BRD1: variants seen among roughly 807,000 people sequenced by gnomAD.
BRD1 encodes the protein bromodomain-containing protein 1.
A neutral mutation model predicts 107.7 loss-of-function variants in BRD1; 24 were observed. That is an observed-to-expected ratio of 0.22 (90% CI 0.16 to 0.31). The LOEUF (loss-of-function observed/expected upper bound fraction) is 0.31, where lower values mean the gene tolerates loss of function less well. Among genes scored for constraint, BRD1 ranks in the 10% least tolerant of loss-of-function variants. The pLI is 1.00. For synonymous variants in BRD1, 744 were observed against 686.1 expected, an observed-to-expected ratio of 1.08 and a Z score of -1.32; for missense variants, 1,279 against 1,638.6, an observed-to-expected ratio of 0.78 and a Z score of 3.79.
rs906260709 is a variant in BRD1 at position 49,804,273 on chromosome 22, C to T, written c.1455G>A (p.Leu485=). The T allele has an allele frequency of 1.2e-6, 2 of 1,610,240 alleles. No homozygotes were observed. ...RAHSYWLLKR[L]SRNGAPLLRR... is the part of the protein sequence containing the mutation. ...GCAGCAGGGGGGCCCCGTTCCTGGA[C>T]AGCCGCTTGAGCAGCCAGTAGCTGT... Residue 485 remains leucine (L), a synonymous_variant, in exon 3 of 13, where the codon CTG becomes CTA. Coordinates refer to ENST00000404760, the MANE Select transcript of BRD1 (RefSeq NM_001304808.3).
At chr22:49,819,349 T>C (rs2060018555) in intron 2 of BRD1, among the ~76,000 whole-genome samples, 1 of 152,034 alleles carries the variant, frequency 6.6e-6, no homozygotes, top group Non-Finnish European at 1.5e-5. Flanking sequence ...CTCAGCACTT[T>C]GGGAGGCCGA....
In BRD1 at chr22:49,787,763, GA is replaced by G; in HGVS notation, c.2483del (p.Phe828SerfsTer20). The G allele has an allele frequency of 6.4e-7, 1 of 1,550,910 alleles. No homozygotes were observed. Among genetic ancestry groups the G allele is most frequent in the South Asian group, 1.2e-5 (1 of 84,064 alleles). Reference protein sequence around the residue: ...VELNPEQSKLFKRVTFDNESH... With the variant: ...VELNPEQSKLXKRVTFDNESH... The stretch of plus-strand genomic sequence containing the variant: ...ATTCATTATCAAATGTGACTCTTTT[GA>G]AAAGTTTACTCTGCTCTGGGTTGAG... On this transcript the variant is annotated frameshift_variant, in exon 8 of 13. Transcript: ENST00000404760. LOFTEE classifies it high-confidence loss of function.
intron 1 of BRD1, among the ~76,000 whole-genome samples, chr22:49,826,428 C>T (rs1391536451): frequency 6.6e-6 from 1 of 152,256 alleles, no homozygotes; most frequent in Non-Finnish European, 1.5e-5. Context: ...CGGTTCTGTC[C>T]CTGGCCCTTC....
At chr22:49,786,841 C>T (rs919911877) in intron 8 of BRD1, among the ~76,000 whole-genome samples, 5 of 152,264 alleles carry the variant, frequency 3.3e-5, no homozygotes, top group South Asian at 4.1e-4. Flanking sequence ...CCAGGTGCAG[C>T]GGCTCACACA....
chr22:49,820,670 G>A (rs576188132), intron 2 of BRD1, among the ~76,000 whole-genome samples: 1 of 152,344 alleles, frequency 6.6e-6, no homozygotes, highest in African/African-American at 2.4e-5. Flanking sequence ...GCACAGCTGA[G>A]GCCTCCTACA....
At chr22:49,805,741 CTTTTTTTTTT>C (rs765174509) in intron 2 of BRD1, 1 of 134,400 alleles carries the variant, frequency 7.4e-6, no homozygotes, top group Non-Finnish European at 1.6e-5. Context: ...TTCAGTGAGT[CTTTTTTTTTT>C]TTTTTTTTGA....
chr22:49,798,730 G>A (rs747620701), intron 4 of BRD1, 44 bp from the exon 5 acceptor site: 22 of 1,524,836 alleles, frequency 1.4e-5, no homozygotes, highest in Non-Finnish European at 1.9e-5. Context: ...AGCCGCACAT[G>A]CGTCTCAGCC....
intron 6 of BRD1, among the ~76,000 whole-genome samples, chr22:49,796,353 CTCTTTTTT>C (rs1213353985): frequency 1.3e-5 from 2 of 148,520 alleles, no homozygotes; most frequent in Non-Finnish European, 3.0e-5. Context: ...CTCGGCCTCT[CTCTTTTTT>C]CTTTTTTTTT....
rs766018593 is a variant in BRD1 at position 49,787,439 on chromosome 22, G to A, written c.2808C>T (p.Cys936=). Residue 936 remains cysteine, a synonymous_variant, in exon 8 of 13, where the codon TGC becomes TGT. Coordinates refer to ENST00000404760, the MANE Select transcript of BRD1 (RefSeq NM_001304808.3). ...LQPRKRSRST[C]GDSEVEEESP... ...ACTCCTCCTCCACCTCGGAGTCTCCGCATGTGCTCCGCGACCTTTTCCTTG... is the reference window on the plus strand; with the variant it reads ...ACTCCTCCTCCACCTCGGAGTCTCCACATGTGCTCCGCGACCTTTTCCTTG... The A allele has an allele frequency of 1.5e-4, 236 of 1,614,110 alleles. 3 individuals carry two copies. The South Asian group carries it at 2.1e-3, about 14-fold the overall frequency.
chr22:49,790,600 G>A (rs2059415823), intron 7 of BRD1, among the ~76,000 whole-genome samples: 1 of 152,146 alleles, frequency 6.6e-6, no homozygotes, highest in African/African-American at 2.4e-5. Flanking sequence ...GCAATATTTT[G>A]CCCACCTGGC....
Position 49,776,153 on chromosome 22 carries a change from C to G in BRD1, c.3128G>C (p.Gly1043Ala), listed in dbSNP as rs375338194. 17 of 1,604,256 alleles carry G rather than the reference C, an allele frequency of 1.1e-5. No individual in the cohort carries two copies. Among genetic ancestry groups the G allele is most frequent in the East Asian group, 8.9e-5 (4 of 44,834 alleles). The change falls in exon 11 of 13, where the codon GGC becomes GCC. Residue 1043 changes from glycine to alanine, a missense_variant. By Grantham distance (60) the Gly-to-Ala change is moderately conservative. Around this residue, in one of 7 missense-constraint regions of BRD1, gnomAD observed 263 missense variants for 251.6 expected, o/e 1.05. Transcript: ENST00000404760. ...AGTGGAGATCCACATGCTGCTCTGG[C>G]CGACTTCTGCGGAGAGGGGCGTCAG... is the stretch of plus-strand genomic sequence containing the variant. ...AKAARIAAEV[G>A]QSSMWISTDA...
rs768332358 is a variant in BRD1, at chr22:49,804,300, G to T, written c.1428C>A (p.Ala476=). Residue 476 remains alanine (A), a synonymous_variant, in exon 3 of 13, where the codon GCC becomes GCA. Transcript: ENST00000404760. ...GCCGCTTGAGCAGCCAGTAGCTGTG[G>T]GCTCGCTCCACAAACTGCTTCTTCC... ...IQRKKQFVER[A]HSYWLLKRLS... 3.7e-6 allele frequency: 6 copies of T among 1,610,764 alleles called. No individual in the cohort carries two copies. Among genetic ancestry groups the T allele is most frequent in the Non-Finnish European group, 4.2e-6 (5 of 1,178,482 alleles).
chr22:49,795,006 C>CA (rs959246217), intron 6 of BRD1, among the ~76,000 whole-genome samples: 19 of 144,162 alleles, frequency 1.3e-4, no homozygotes, highest in South Asian at 6.6e-4. Context: ...AGAGAGAAGA[C>CA]AAAAAAAAAA....
chr22:49,821,167 G>A (rs913250028), intron 2 of BRD1, among the ~76,000 whole-genome samples: 1 of 152,194 alleles, frequency 6.6e-6, no homozygotes, highest in Non-Finnish European at 1.5e-5. Flanking sequence ...CCCAACATCA[G>A]GAGCCAAAGA....
intron 8 of BRD1, among the ~76,000 whole-genome samples, chr22:49,785,858 C>T (rs2059313003): frequency 1.3e-5 from 2 of 152,308 alleles, no homozygotes; most frequent in South Asian, 4.1e-4. Context: ...AAGTGAGCCT[C>T]CTTCTGCACA....
At chr22:49,777,848 C>T in intron 8 of BRD1, 35 bp from the exon 9 acceptor site, 1 of 1,569,480 alleles carries the variant, frequency 6.4e-7, no homozygotes, top group Non-Finnish European at 8.6e-7. Context: ...GAGCTCAGCA[C>T]AACCAGGGCA....
rs921051797 is a variant in BRD1, at chr22:49,774,186, A to G, written c.*47T>C. The G allele has an allele frequency of 2.6e-6, 4 of 1,565,882 alleles. No homozygotes were observed. The highest frequency in any genetic ancestry group is 2.7e-5 in the African/African-American group (2 of 73,288). ...AGTTTTGAACAATATACAAACATGTACAGCTTATCAACACTATGGACAAGA... is the reference window on the plus strand; with the variant it reads ...AGTTTTGAACAATATACAAACATGTGCAGCTTATCAACACTATGGACAAGA... On this transcript the variant is annotated 3_prime_UTR_variant, in exon 13 of 13. Coordinates refer to ENST00000404760, the MANE Select transcript of BRD1 (RefSeq NM_001304808.3).
rs907513027 is a variant in BRD1, at chr22:49,783,741, G to T, written c.2857+3649C>A. Among the ~76,000 whole-genome samples, 5 of 152,310 alleles carry T rather than the reference G, an allele frequency of 3.3e-5. No individual in the cohort carries two copies. In the East Asian group the frequency reaches 7.7e-4, roughly 24 times the overall value. ...CACTGCCGGGCTCTGACTTACAGAG[G>T]GGGTGGGCTGGGGTGGGGGAGAGCT... On this transcript the variant is annotated intron_variant, in intron 8 of 12. Coordinates refer to ENST00000404760, the MANE Select transcript of BRD1 (RefSeq NM_001304808.3). This position sits in a 1 kb window ranked among gnomAD's most constrained non-coding sequence, Gnocchi z 4.2.
chr22:49,822,056 C>G (rs2060077621), intron 2 of BRD1, among the ~76,000 whole-genome samples: 1 of 152,246 alleles, frequency 6.6e-6, no homozygotes, highest in African/African-American at 2.4e-5. Context: ...GCCAGAGCCC[C>G]TCGGGTTGAA....
Sources: allele counts gnomAD v4.1 joint callset (sites outside exome capture counted in the v4.1 genomes callset), GRCh38; gene constraint gnomAD v4.1.1; regional missense constraint gnomAD v4.1.1; non-coding constraint Gnocchi (gnomAD v3.1); transcripts MANE v1.5; gene names NCBI Gene and HGNC (gene_info 2026-07-23, HGNC 2026-07-21).